The following MMP26 variants were observed in gnomAD, a reference collection of about 807,000 sequenced individuals.
The protein encoded by MMP26 is matrix metalloproteinase-26.
MMP26 carries 33 observed loss-of-function variants against 31.0 expected under a neutral mutation model. The observed-to-expected ratio is 1.06, with a 90% CI of 0.81 to 1.42. The LOEUF is 1.42. Ranked by LOEUF, MMP26 falls within the 40% of genes most tolerant of loss-of-function variation. MMP26 has a pLI of 0.00. For missense variants in MMP26, 347 were observed against 316.1 expected, an observed-to-expected ratio of 1.10 and a Z score of -0.74; for synonymous variants, 122 against 114.9, an observed-to-expected ratio of 1.06 and a Z score of -0.40.
At chr11:4,777,051 G>A (rs181151604) in intron 2 of MMP26, among the ~76,000 whole-genome samples, 1 of 152,142 alleles carries the variant, frequency 6.6e-6, no homozygotes, top group Non-Finnish European at 1.5e-5. Context: ...AAATACAAGG[G>A]TACTAGGACA....
intron 2 of MMP26, among the ~76,000 whole-genome samples, chr11:4,834,059 AT>A (rs1437047253): frequency 6.6e-6 from 1 of 152,194 alleles, no homozygotes; most frequent in African/African-American, 2.4e-5. Flanking sequence ...AAGAGGTAGC[AT>A]CCTGAAGCCA....
At chr11:4,865,252 A>G (rs1850218407) in intron 2 of MMP26, among the ~76,000 whole-genome samples, 1 of 151,970 alleles carries the variant, frequency 6.6e-6, no homozygotes, top group South Asian at 2.1e-4. Flanking sequence ...CCTCTGCTTG[A>G]TTATTTCTAC....
At chr11:4,820,831 C>A (rs1849486183) in intron 2 of MMP26, among the ~76,000 whole-genome samples, 2 of 152,068 alleles carry the variant, frequency 1.3e-5, no homozygotes, top group South Asian at 4.1e-4. Context: ...TTATATAATG[C>A]ATATAAAATG....
chr11:4,844,536 CA>C (rs1849840376), intron 2 of MMP26, among the ~76,000 whole-genome samples: 1 of 151,830 alleles, frequency 6.6e-6, no homozygotes, highest in Admixed American at 6.6e-5. Context: ...AAGCTGAATT[CA>C]AAAAAACATT....
At chr11:4,850,842 G>A (rs1362466461) in intron 2 of MMP26, among the ~76,000 whole-genome samples, 1 of 148,080 alleles carries the variant, frequency 6.8e-6, no homozygotes, top group Non-Finnish European at 1.5e-5. Flanking sequence ...GTGTGATGGA[G>A]TGAGGAGGCT....
At chr11:4,900,711 A>G (rs1235611406) in intron 2 of MMP26, among the ~76,000 whole-genome samples, 1 of 152,196 alleles carries the variant, frequency 6.6e-6, no homozygotes, top group Non-Finnish European at 1.5e-5. Context: ...ACTTTGTTCT[A>G]ACTTCTAGAA....
chr11:4,727,513 T>C (rs1393588304), intron 1 of MMP26, among the ~76,000 whole-genome samples: 2 of 151,640 alleles, frequency 1.3e-5, no homozygotes, highest in African/African-American at 2.4e-5. Flanking sequence ...ACAATCCTAA[T>C]AAAAAAAAAT....
chr11:4,741,855 A>T (rs1369429374), intron 1 of MMP26, among the ~76,000 whole-genome samples: 1 of 152,216 alleles, frequency 6.6e-6, no homozygotes, highest in Non-Finnish European at 1.5e-5. Flanking sequence ...ATAAAGAAAA[A>T]AGGGACGCTT....
chr11:4,974,125 T>C (rs539846790), intron 2 of MMP26, among the ~76,000 whole-genome samples: 1 of 152,144 alleles, frequency 6.6e-6, no homozygotes, highest in Admixed American at 6.5e-5. Flanking sequence ...TTAAAATAGA[T>C]ACAGATTATA....
chr11:4,817,927 G>A (rs900271832), intron 2 of MMP26, among the ~76,000 whole-genome samples: 1 of 152,114 alleles, frequency 6.6e-6, no homozygotes, highest in Non-Finnish European at 1.5e-5. Flanking sequence ...AGCCAGGTAA[G>A]GTATGAGAGC....
chr11:4,917,339 G>T (rs1311301155), intron 2 of MMP26, among the ~76,000 whole-genome samples: 1 of 152,086 alleles, frequency 6.6e-6, no homozygotes, highest in Non-Finnish European at 1.5e-5. Flanking sequence ...AATAGGATTT[G>T]AACGAATATT....
Position 4,748,257 on chromosome 11 carries a change from A to G in MMP26, c.-216-19013A>G, listed in dbSNP as rs149519503. Reference sequence around the variant, plus strand: ...AAGACTGAACCAGAAAGAAATAGAAAACCGAACAGACTAATATCGATTAGT... The same window carrying G: ...AAGACTGAACCAGAAAGAAATAGAAGACCGAACAGACTAATATCGATTAGT... On this transcript the variant is annotated intron_variant, in intron 1 of 7. Coordinates refer to ENST00000380390, the MANE Select transcript of MMP26 (RefSeq NM_021801.5). 7.3e-3 allele frequency among the ~76,000 whole-genome samples: 1,115 copies of G among 152,222 alleles called. 13 individuals are homozygous for G. The highest frequency in any genetic ancestry group is 0.022 in the African/African-American group (924 of 41,554).
intron 2 of MMP26, among the ~76,000 whole-genome samples, chr11:4,892,823 T>G (rs1004648589): frequency 2.0e-5 from 3 of 152,200 alleles, no homozygotes; most frequent in Non-Finnish European, 4.4e-5. Flanking sequence ...ATTTGCCTTC[T>G]AGTTACTCAA....
intron 2 of MMP26, among the ~76,000 whole-genome samples, chr11:4,796,650 T>C (rs1849111573): frequency 6.6e-6 from 1 of 152,176 alleles, no homozygotes; most frequent in African/African-American, 2.4e-5. Context: ...GTGATTACTG[T>C]TTTACTCTGA....
At chr11:4,881,027 C>T (rs892297939) in intron 2 of MMP26, among the ~76,000 whole-genome samples, 4 of 152,132 alleles carry the variant, frequency 2.6e-5, no homozygotes, top group African/African-American at 9.7e-5. Flanking sequence ...TACCTTCTTC[C>T]TGGCCAGTCA....
At chr11:4,973,798 G>T in intron 2 of MMP26, 1 of 154,094 alleles carries the variant, frequency 6.5e-6, no homozygotes. Context: ...TGGGGATAGA[G>T]ATCCAAATAT....
chr11:4,935,157 T>C (rs1292770313), intron 2 of MMP26, among the ~76,000 whole-genome samples: 1 of 151,848 alleles, frequency 6.6e-6, no homozygotes, highest in Admixed American at 6.6e-5. Flanking sequence ...ATCTGTAAAC[T>C]ACCTTGGGCA....
intron 2 of MMP26, among the ~76,000 whole-genome samples, chr11:4,872,664 G>A (rs1850326958): frequency 6.6e-6 from 1 of 152,068 alleles, no homozygotes; most frequent in South Asian, 2.1e-4. Flanking sequence ...GCTCATGCCT[G>A]TTCCTCAGAG....
chr11:4,813,330 C>T (rs185712573), intron 2 of MMP26, among the ~76,000 whole-genome samples: 125 of 152,048 alleles, frequency 8.2e-4, no homozygotes, highest in African/African-American at 2.8e-3. Flanking sequence ...ATAAAGAAAC[C>T]GGAAATAGCT....
Sources: allele counts gnomAD v4.1 joint callset (sites outside exome capture counted in the v4.1 genomes callset), GRCh38; gene constraint gnomAD v4.1.1; transcripts MANE v1.5; gene names NCBI Gene and HGNC (gene_info 2026-07-23, HGNC 2026-07-21).